GRIP1: variants seen among roughly 807,000 people sequenced by gnomAD.
The protein encoded by GRIP1 is glutamate receptor interacting protein 1, also known as glutamate receptor-interacting protein 1.
GRIP1 carries 45 observed loss-of-function variants against 129.9 expected under a neutral mutation model. The ratio of observed to expected loss-of-function variants is 0.35; its 90% CI spans 0.27 to 0.44. The LOEUF is 0.44. GRIP1 is among the 20% of genes least tolerant of loss of function. GRIP1 has a pLI of 1.00. For synonymous variants in GRIP1, 530 were observed against 520.8 expected (o/e 1.02, Z -0.24); for missense variants, 1,196 against 1,396.8 (o/e 0.86, Z 2.29).
intron 4 of GRIP1, among the ~76,000 whole-genome samples, chr12:66,532,542 C>G (rs2061491021): frequency 6.6e-6 from 1 of 152,180 alleles, no homozygotes; most frequent in South Asian, 2.1e-4. Flanking sequence ...TGTGAACTTT[C>G]CTACCTCATT....
rs140797725 is a variant in GRIP1 at position 66,887,233 on chromosome 12, G to A, written c.58+181817C>T. On this transcript the variant is annotated intron_variant, in intron 1 of 1. Coordinates refer to the GRIP1 transcript ENST00000643019. ...ATGAAAGTTAGCTTTTCAAAATATA[G>A]CAGTATTAGGAAATAAGAAAGACTG... 1.3e-3 allele frequency among the ~76,000 whole-genome samples: 192 copies of A among 152,280 alleles called. 4 individuals carry two copies. In the East Asian group the frequency reaches 0.033, roughly 26 times the overall value.
intron 4 of GRIP1, among the ~76,000 whole-genome samples, chr12:66,537,757 C>T (rs1450369406): frequency 1.3e-5 from 2 of 152,014 alleles, no homozygotes; most frequent in Non-Finnish European, 1.5e-5. Flanking sequence ...GTTAGTGATG[C>T]CTTTTTAAAT....
chr12:66,760,115 A>G (rs983873356), intron 1 of GRIP1, among the ~76,000 whole-genome samples: 1 of 152,138 alleles, frequency 6.6e-6, no homozygotes, highest in Non-Finnish European at 1.5e-5. Context: ...TAGCCTCCCA[A>G]AGTGCTGGGA....
intron 1 of GRIP1, among the ~76,000 whole-genome samples, chr12:66,850,253 A>T (rs983663405): frequency 1.3e-5 from 2 of 152,014 alleles, no homozygotes; most frequent in African/African-American, 4.8e-5. Flanking sequence ...AGCTACCTAC[A>T]CCCCTGGGCA....
intron 23 of GRIP1, among the ~76,000 whole-genome samples, chr12:66,355,604 G>C (rs964830399): frequency 6.6e-6 from 1 of 151,802 alleles, no homozygotes; most frequent in Non-Finnish European, 1.5e-5. Flanking sequence ...GTGATGCTTA[G>C]GGAGAAGTGG....
chr12:66,785,347 T>TACATACATACATAC (rs1566021122), intron 1 of GRIP1, among the ~76,000 whole-genome samples: 2 of 62,134 alleles, frequency 3.2e-5, no homozygotes, highest in Non-Finnish European at 7.3e-5. Context: ...TACATACATA[T>TACATACATACATAC]ATATATATAT....
chr12:66,727,683 A>C (rs1296547966), intron 1 of GRIP1, among the ~76,000 whole-genome samples: 1 of 152,240 alleles, frequency 6.6e-6, no homozygotes, highest in Non-Finnish European at 1.5e-5. Context: ...TTTCAATGCC[A>C]CTGAAAATTC....
At chr12:66,406,189 G>T (rs2137659771) in intron 16 of GRIP1, 94 bp downstream of exon 16, 1 of 1,242,348 alleles carries the variant, frequency 8.0e-7, no homozygotes, top group Non-Finnish European at 1.2e-6. Context: ...CACATCACTA[G>T]CCAGCTGTTG....
chr12:66,469,035 G>A (rs2059366110), intron 7 of GRIP1, among the ~76,000 whole-genome samples: 1 of 152,136 alleles, frequency 6.6e-6, no homozygotes, highest in Admixed American at 6.5e-5. Context: ...AAAACTTAAA[G>A]TAGAAAGCTT....
At chr12:66,814,658 T>C (rs529057627) in intron 1 of GRIP1, among the ~76,000 whole-genome samples, 38 of 150,146 alleles carry the variant, frequency 2.5e-4, no homozygotes, top group Non-Finnish European at 4.1e-4. Context: ...AATGAGTTTA[T>C]AGAAAAATTA....
intron 1 of GRIP1, among the ~76,000 whole-genome samples, chr12:66,879,742 T>C (rs998743842): frequency 6.6e-6 from 1 of 152,172 alleles, no homozygotes; most frequent in Non-Finnish European, 1.5e-5. Context: ...CAACTTGCAG[T>C]GCATATTTTT....
In GRIP1 at chr12:66,470,448, T is replaced by TTC. The variant is rs1555190174; in HGVS notation, c.725-5027_725-5026insGA. 9.6e-3 allele frequency among the ~76,000 whole-genome samples: 1,445 copies of TTC among 151,056 alleles called. 26 individuals carry two copies. The highest frequency in any genetic ancestry group is 0.032 in the African/African-American group (1,315 of 41,030). The stretch of plus-strand genomic sequence containing the variant: ...CCTTCCTTCACCTACTTTTTTTTTT[T>TTC]TTTAACAACTGCTCTGCTCAAATGT... On this transcript the variant is annotated intron_variant, in intron 7 of 24. Transcript: ENST00000359742.
At chr12:66,848,127 A>G (rs2039850487) in intron 1 of GRIP1, among the ~76,000 whole-genome samples, 1 of 152,174 alleles carries the variant, frequency 6.6e-6, no homozygotes, top group Non-Finnish European at 1.5e-5. Context: ...GTAGAACAAC[A>G]CAAAGCCAAG....
rs534941212 is a variant in GRIP1, at chr12:66,965,295, A to T, written c.58+103755T>A. ...AATATATTTTACTCTCTGGGACTAA[A>T]GAGATGAAATCTACTTAAGCTCTCT... On this transcript the variant is annotated intron_variant, in intron 1 of 1. Transcript: ENST00000643019. Among the ~76,000 whole-genome samples, 7 of 152,320 alleles carry T rather than the reference A, an allele frequency of 4.6e-5. No homozygotes were observed. The South Asian group carries it at 1.4e-3, about 32-fold the overall frequency.
At chr12:66,546,103 T>C (rs891232772) in intron 2 of GRIP1, among the ~76,000 whole-genome samples, 29 of 152,250 alleles carry the variant, frequency 1.9e-4, no homozygotes, top group African/African-American at 6.5e-4. Flanking sequence ...TTCTAAAATT[T>C]ATATGAAAGG....
At chr12:66,933,625 G>GA (rs1392352256) in intron 1 of GRIP1, among the ~76,000 whole-genome samples, 1 of 151,948 alleles carries the variant, frequency 6.6e-6, no homozygotes, top group African/African-American at 2.4e-5. Context: ...GAAATGAAAT[G>GA]AAAAAAGCCA....
chr12:66,524,205 C>A (rs1247110222), intron 5 of GRIP1, among the ~76,000 whole-genome samples: 1 of 152,156 alleles, frequency 6.6e-6, no homozygotes, highest in Non-Finnish European at 1.5e-5. Flanking sequence ...AACTCTCCAC[C>A]CCAAATCAAC....
At chr12:67,048,013 G>A (rs2043281205) in intron 1 of GRIP1, among the ~76,000 whole-genome samples, 1 of 152,050 alleles carries the variant, frequency 6.6e-6, no homozygotes, top group African/African-American at 2.4e-5. Flanking sequence ...CCCCAAATAT[G>A]TATTAGACAT....
chr12:66,684,565 C>T (rs781004923), intron 1 of GRIP1, among the ~76,000 whole-genome samples: 8 of 152,238 alleles, frequency 5.3e-5, no homozygotes, highest in South Asian at 2.1e-4. Context: ...CTTCCCCTGG[C>T]GGGGGACGGT....
Sources: gnomAD v4.1 joint callset for allele counts (sites outside exome capture counted in the v4.1 genomes callset) on GRCh38, gnomAD v4.1.1 for gene constraint, MANE v1.5 for transcripts, NCBI Gene and HGNC (gene_info 2026-07-23, HGNC 2026-07-21) for gene names.